DNAH11: variants seen among roughly 807,000 people sequenced by gnomAD.
DNAH11 encodes dynein axonemal heavy chain 11, also known as axonemal beta dynein heavy chain 11.
A neutral mutation model predicts 526.0 loss-of-function variants in DNAH11; 442 were observed. That is an observed-to-expected ratio of 0.84 (90% confidence interval 0.78 to 0.91). DNAH11 has a LOEUF of 0.91. DNAH11 is among the 40% of genes least tolerant of loss of function. The probability of loss-of-function intolerance (pLI) is 0.00; values close to 1 mark genes in which losing one functional copy is unlikely to be tolerated. For missense variants in DNAH11, 6,989 were observed against 5,448.7 expected (o/e 1.28, Z -8.90); for synonymous variants, 2,461 against 1,935.9 (o/e 1.27, Z -7.12).
chr7:21,733,465 C>G (rs2128488355), intron 45 of DNAH11, among the ~76,000 whole-genome samples: 1 of 151,648 alleles, frequency 6.6e-6, no homozygotes, highest in Non-Finnish European at 1.5e-5. Context: ...ATTTGGAAAT[C>G]TTGCTTTTTG....
At chr7:21,797,344 C>T (rs566975965) in intron 61 of DNAH11, among the ~76,000 whole-genome samples, 105 of 148,578 alleles carry the variant, frequency 7.1e-4, no homozygotes, top group Non-Finnish European at 1.4e-3. Flanking sequence ...CTCAGCCTCC[C>T]GAGTAGCTGG....
chr7:21,606,784 A>T lies in DNAH11; in HGVS notation c.3852+51A>T. On this transcript the variant is annotated intron_variant, in intron 20 of 81. Transcript: ENST00000409508. ...GTGCATTAAAATAGCTACTTTAAAA[A>T]ATGTAAGTTTAGACACAAAATACTG... 9 of 1,467,884 alleles carry T rather than the reference A, an allele frequency of 6.1e-6. No homozygotes were observed. In the South Asian group the frequency reaches 1.1e-4, roughly 18 times the overall value. 90.9% of individuals were successfully genotyped at this position (1,467,884 alleles called of 1,614,324 possible). A position where few individuals can be genotyped will look rare whatever the true frequency, so the allele number is the denominator to read the frequency against.
chr7:21,566,738 T>A (rs1373976538), intron 6 of DNAH11, among the ~76,000 whole-genome samples: 4 of 152,196 alleles, frequency 2.6e-5, no homozygotes, highest in Non-Finnish European at 5.9e-5. Flanking sequence ...TGTGACCTAA[T>A]ACATGGTATG....
rs955826228 is a variant in DNAH11 at position 21,687,508 on chromosome 7, A to G, written c.5905A>G (p.Ile1969Val). 1.2e-6 allele frequency: 2 copies of G among 1,613,544 alleles called. No individual in the cohort carries two copies. The highest frequency in any genetic ancestry group is 8.5e-7 in the Non-Finnish European group (1 of 1,179,782). Residue 1969 changes from isoleucine (I) to valine (V), a missense_variant, in exon 34 of 82, where the codon ATC becomes GTC. Transcript: ENST00000409508. ...AVQVKMIHDA[I>V]RNRKKRFVFL... is the part of the protein sequence containing the mutation. The stretch of plus-strand genomic sequence containing the variant: ...ACAAGTGAAAATGATTCATGATGCC[A>G]TCAGAAACAGGAAGAAGAGGTGAGT...
intron 54 of DNAH11, among the ~76,000 whole-genome samples, chr7:21,759,850 G>A (rs1015940425): frequency 1.9e-4 from 29 of 152,162 alleles, no homozygotes; most frequent in African/African-American, 6.8e-4. Context: ...TCCTGCAAAT[G>A]AGTCATAACA....
At chr7:21,582,439 C>T (rs1267543695) in intron 9 of DNAH11, among the ~76,000 whole-genome samples, 1 of 152,186 alleles carries the variant, frequency 6.6e-6, no homozygotes, top group African/African-American at 2.4e-5. Context: ...AATTTATATA[C>T]TGTATTTACC....
chr7:21,758,997 A>G (rs553739245), intron 54 of DNAH11, among the ~76,000 whole-genome samples: 48 of 152,338 alleles, frequency 3.2e-4, no homozygotes, highest in African/African-American at 1.1e-3. Flanking sequence ...TATCCAGAAG[A>G]AAGAAAAATA....
chr7:21,614,946 A>T (rs1411405901), intron 20 of DNAH11, among the ~76,000 whole-genome samples, 168 bp from the exon 21 acceptor site: 1 of 152,178 alleles, frequency 6.6e-6, no homozygotes, highest in African/African-American at 2.4e-5. Context: ...TGTGCAGCTG[A>T]GTTTGCTCTT....
rs1786527795 is a variant in DNAH11, at chr7:21,754,158, A to G, written c.8940+3794A>G. On this transcript the variant is annotated intron_variant, in intron 54 of 81. Coordinates refer to ENST00000409508, the MANE Select transcript of DNAH11 (RefSeq NM_001277115.2). ...TATTACAGAACATTAAATAATTTTGATAATAGTAGGAATTCTGTCTTGATT... is the reference window on the plus strand; with the variant it reads ...TATTACAGAACATTAAATAATTTTGGTAATAGTAGGAATTCTGTCTTGATT... 3.3e-5 allele frequency among the ~76,000 whole-genome samples: 5 copies of G among 152,286 alleles called. No individual in the cohort carries two copies. In the South Asian group the frequency reaches 1.0e-3, roughly 32 times the overall value.
rs1332567966 is a variant in DNAH11, at chr7:21,735,779, T to C, written c.7580T>C (p.Leu2527Pro). The C allele has an allele frequency of 2.5e-6, 4 of 1,613,854 alleles. No homozygotes were observed. The African/African-American group carries it at 4.0e-5, about 16-fold the overall frequency. The change falls in exon 46 of 82, where the codon CTC (leucine) becomes CCC (proline). Residue 2527 changes from leucine (L) to proline (P), a missense_variant. Leu to Pro is a moderately conservative substitution (Grantham distance 98, BLOSUM62 -3). Coordinates refer to ENST00000409508, the MANE Select transcript of DNAH11 (RefSeq NM_001277115.2). ...TTTGTAGGTGACACATTGGCAAGTC[T>C]CTCTGAGGATTACATAGTATCCCGT... ...TVFVGDTLAS[L>P]SEDYIVSRVP...
At chr7:21,699,715 T>G (rs928195202) in intron 36 of DNAH11, among the ~76,000 whole-genome samples, 1 of 151,498 alleles carries the variant, frequency 6.6e-6, no homozygotes, top group African/African-American at 2.4e-5. Flanking sequence ...TGAGCCTATT[T>G]TAATTTTATC....
chr7:21,869,290 C>A (rs1783409478), intron 73 of DNAH11, among the ~76,000 whole-genome samples: 1 of 152,204 alleles, frequency 6.6e-6, no homozygotes, highest in African/African-American at 2.4e-5. Context: ...TGCCTGAGAA[C>A]ACGCAGGCTT....
At chr7:21,691,258 C>T (rs1442070790) in intron 35 of DNAH11, among the ~76,000 whole-genome samples, 1 of 150,642 alleles carries the variant, frequency 6.6e-6, no homozygotes, top group South Asian at 2.1e-4. Context: ...AAAGCCAAGG[C>T]GCTGGTGCTG....
At chr7:21,826,681 G>A (rs576567564) in intron 65 of DNAH11, among the ~76,000 whole-genome samples, 51 of 152,100 alleles carry the variant, frequency 3.4e-4, no homozygotes, top group African/African-American at 1.1e-3. Flanking sequence ...ACAAGAGATA[G>A]CATTGAAAAG....
chr7:21,694,788 A>G (rs1011756896), intron 35 of DNAH11, among the ~76,000 whole-genome samples: 1 of 152,158 alleles, frequency 6.6e-6, no homozygotes, highest in African/African-American at 2.4e-5. Flanking sequence ...GTCTTCCACA[A>G]TGGTTGAACC....
chr7:21,673,118 A>C (rs1000068159), intron 30 of DNAH11, among the ~76,000 whole-genome samples: 5 of 152,224 alleles, frequency 3.3e-5, no homozygotes, highest in South Asian at 2.1e-4. Flanking sequence ...TAAATAAGAG[A>C]ATTCATAAGT....
intron 25 of DNAH11, among the ~76,000 whole-genome samples, chr7:21,623,854 C>T (rs1395914388): frequency 5.3e-5 from 8 of 151,562 alleles, no homozygotes; most frequent in East Asian, 1.9e-4. Flanking sequence ...TTAGGAGATA[C>T]ACCTAATGCT....
At chr7:21,658,222 G>C (rs1319652936) in intron 29 of DNAH11, among the ~76,000 whole-genome samples, 1 of 151,916 alleles carries the variant, frequency 6.6e-6, no homozygotes, top group Non-Finnish European at 1.5e-5. Flanking sequence ...CTCTCCTGTG[G>C]TCTAATTTCT....
chr7:21,703,988 C>G (rs1220621025), intron 37 of DNAH11, among the ~76,000 whole-genome samples: 1 of 152,096 alleles, frequency 6.6e-6, no homozygotes, highest in Non-Finnish European at 1.5e-5. Context: ...TGAGTTACTG[C>G]TTTTAAAATC....
Sources: gnomAD v4.1 joint callset for allele counts (sites outside exome capture counted in the v4.1 genomes callset) on GRCh38, gnomAD v4.1.1 for gene constraint, MANE v1.5 for transcripts, NCBI Gene and HGNC (gene_info 2026-07-23, HGNC 2026-07-21) for gene names.